The following PLEKHM1 variants were observed in gnomAD, a reference collection of about 807,000 sequenced individuals.
PLEKHM1 encodes the protein pleckstrin homology domain-containing family M member 1.
A neutral mutation model predicts 94.3 loss-of-function variants in PLEKHM1; 28 were observed. The observed-to-expected ratio is 0.30, with a 90% CI of 0.22 to 0.41. PLEKHM1 has a LOEUF of 0.41. Ranked by LOEUF, PLEKHM1 falls within the 10% of genes least tolerant of loss-of-function variation. PLEKHM1 has a pLI of 1.00. For synonymous variants in PLEKHM1, 424 were observed against 581.2 expected, an observed-to-expected ratio of 0.73 and a Z score of 3.89; for missense variants, 907 against 1,358.6, an observed-to-expected ratio of 0.67 and a Z score of 5.22.
chr17:45,488,098 AGAT>A (rs1418066189), intron 1 of PLEKHM1, among the ~76,000 whole-genome samples: 1 of 152,254 alleles, frequency 6.6e-6, no homozygotes, highest in East Asian at 1.9e-4. Context: ...ATTAAATACC[AGAT>A]GAAGGGTGAG....
chr17:45,471,994 C>G (rs1037995714), intron 4 of PLEKHM1, among the ~76,000 whole-genome samples: 2 of 152,090 alleles, frequency 1.3e-5, no homozygotes, highest in East Asian at 3.8e-4. Flanking sequence ...AACAGAACCG[C>G]TTTATATTAA....
chr17:45,434,819 C>T (rs2145137901), downstream of PLEKHM1, among the ~76,000 whole-genome samples: 1 of 151,946 alleles, frequency 6.6e-6, no homozygotes, highest in Middle Eastern at 3.4e-3. Flanking sequence ...AACCACCTGT[C>T]CTCCTTCAGA....
chr17:45,445,685 G>A lies in PLEKHM1; in HGVS notation c.2644-22C>T. The A allele has an allele frequency of 6.2e-7, 1 of 1,609,472 alleles. No individual in the cohort carries two copies. The highest frequency in any genetic ancestry group is 1.7e-5 in the Admixed American group (1 of 60,020). ...AGATCTGGGGGTACCACCAGGCATT[G>A]GGGATGGGAAGGAATGGCTGTTCAG... On this transcript the variant is annotated intron_variant, in intron 8 of 11. Coordinates refer to ENST00000430334, the MANE Select transcript of PLEKHM1 (RefSeq NM_014798.3). The surrounding 1 kb of genome is among the most constrained non-coding windows in gnomAD (Gnocchi z 4.2).
chr17:45,458,188 C>T lies in PLEKHM1; in HGVS notation c.1560G>A (p.Val520=), dbSNP rs764149827. 2 of 1,613,602 alleles carry T rather than the reference C, an allele frequency of 1.2e-6. No individual in the cohort carries two copies. The highest frequency in any genetic ancestry group is 4.5e-5 in the East Asian group (2 of 44,882). Residue 520 remains valine (V), a synonymous_variant, in exon 6 of 12, where the codon GTG becomes GTA. Coordinates refer to ENST00000430334, the MANE Select transcript of PLEKHM1 (RefSeq NM_014798.3). ...ACCTACCCATCTGTCTCCGGTGTAC[C>T]ACCCGGAAGCTCTTATGCCCCTGGG... ...APSQGHKSFR[V]VHRRQMGLSN... is the part of the protein sequence containing the mutation.
chr17:45,460,273 T>C (rs888974717), intron 5 of PLEKHM1: 9 of 152,030 alleles, frequency 5.9e-5, no homozygotes, highest in African/African-American at 2.2e-4. Flanking sequence ...TTTTGTTTTG[T>C]TTTTGAGACA....
At chr17:45,472,741 A>G (rs2090847) in intron 4 of PLEKHM1, among the ~76,000 whole-genome samples, 19,729 of 152,248 alleles carry the variant, frequency 0.13, 1,602 homozygotes, top group Middle Eastern at 0.21. Flanking sequence ...TGACTAACAA[A>G]CAATGTGCCT....
At chr17:45,457,173 A>G (rs926262930) in intron 6 of PLEKHM1, among the ~76,000 whole-genome samples, 2 of 108,436 alleles carry the variant, frequency 1.8e-5, no homozygotes, top group Admixed American at 1.0e-4. Context: ...TCTGCCTCAG[A>G]AAAAAAAAAA....
chr17:45,453,557 G>C lies in PLEKHM1; in HGVS notation c.2295C>G (p.Ala765=). The C allele has an allele frequency of 3.1e-6, 5 of 1,601,560 alleles. No homozygotes were observed. The South Asian group carries it at 5.6e-5, about 18-fold the overall frequency. The stretch of plus-strand genomic sequence containing the variant: ...TGCGGACCAGATCCCTCCACAGGGC[G>C]GCTTCCTCGGCGTTTCCGGCCTGCA... ...LKLQAGNAEE[A]ALWRDLVRKV... Residue 765 remains alanine (A), a synonymous_variant, in exon 7 of 12, where the codon GCC becomes GCG. Transcript: ENST00000430334. The surrounding 1 kb of genome is among the most constrained non-coding windows in gnomAD (Gnocchi z 4.1).
At chr17:45,456,966 G>A (rs966130445) in intron 6 of PLEKHM1, among the ~76,000 whole-genome samples, 6 of 152,066 alleles carry the variant, frequency 3.9e-5, no homozygotes, top group Non-Finnish European at 1.5e-5. Context: ...TGGATCACAT[G>A]AGGCCAAGAG....
intron 8 of PLEKHM1, among the ~76,000 whole-genome samples, chr17:45,449,790 C>T (rs1475133752): frequency 2.6e-5 from 4 of 151,736 alleles, no homozygotes; most frequent in Non-Finnish European, 5.9e-5. Flanking sequence ...ACCTACCTAC[C>T]TACCCATCCA....
In PLEKHM1 at chr17:45,478,055, G is replaced by T; in HGVS notation, c.141C>A (p.Ala47=). Residue 47 remains alanine, a synonymous_variant, in exon 3 of 12, where the codon GCC becomes GCA. Coordinates refer to ENST00000430334, the MANE Select transcript of PLEKHM1 (RefSeq NM_014798.3). ...CCTCCAGGGCGCTGCACATGGTGTT[G>T]GCATCTCCGTCTTCACTAGTGACCA... ...DTVVTSEDGD[A]NTMCSALEAV... 1 of 1,614,186 alleles carries T rather than the reference G, an allele frequency of 6.2e-7. No individual in the cohort carries two copies. The highest frequency in any genetic ancestry group is 8.5e-7 in the Non-Finnish European group (1 of 1,180,042).
chr17:45,455,576 CA>C (rs1489469888), intron 6 of PLEKHM1, among the ~76,000 whole-genome samples: 1 of 152,146 alleles, frequency 6.6e-6, no homozygotes, highest in African/African-American at 2.4e-5. Flanking sequence ...CTCATCTCAC[CA>C]AATAGCAAAA....
intron 1 of PLEKHM1, among the ~76,000 whole-genome samples, 152 bp from the exon 2 acceptor site, chr17:45,482,677 T>A (rs1005854299): frequency 5.9e-5 from 9 of 151,564 alleles, no homozygotes; most frequent in African/African-American, 2.2e-4. Flanking sequence ...TGATAATAGA[T>A]TTGAAGGAAA....
intron 5 of PLEKHM1, among the ~76,000 whole-genome samples, chr17:45,467,175 T>A (rs981624050): frequency 1.3e-5 from 2 of 152,246 alleles, no homozygotes; most frequent in African/African-American, 4.8e-5. Context: ...CTCCAACTCC[T>A]GGGCTCAAGC....
intron 1 of PLEKHM1, 25 bp downstream of exon 1, chr17:45,490,627 C>T: frequency 2.3e-6 from 1 of 437,026 alleles, no homozygotes; most frequent in South Asian, 1.6e-5. Flanking sequence ...CGCCGCCCTC[C>T]TCGCATCTTG....
chr17:45,475,087 G>A lies in PLEKHM1; in HGVS notation c.923+13C>T, dbSNP rs2051669756. 1 of 1,613,890 alleles carries A rather than the reference G, an allele frequency of 6.2e-7. No individual in the cohort carries two copies. Among genetic ancestry groups the A allele is most frequent in the African/African-American group, 1.3e-5 (1 of 75,070 alleles). On this transcript the variant is annotated intron_variant, in intron 4 of 11. Transcript: ENST00000430334. Reference sequence around the variant, plus strand: ...AGAGAGAAGATGGGAAGGAGTGGGGGCAGCGTACTCACTCTTGCAGAGACC... The same window carrying A: ...AGAGAGAAGATGGGAAGGAGTGGGGACAGCGTACTCACTCTTGCAGAGACC...
intron 1 of PLEKHM1, among the ~76,000 whole-genome samples, chr17:45,486,303 C>T (rs2145365316): frequency 6.6e-6 from 1 of 150,666 alleles, no homozygotes; most frequent in Non-Finnish European, 1.5e-5. Context: ...CTGAAGCTGG[C>T]TGGGCGCGGT....
At chr17:45,485,964 C>G (rs1280828997) in intron 1 of PLEKHM1, among the ~76,000 whole-genome samples, 2 of 151,446 alleles carry the variant, frequency 1.3e-5, no homozygotes, top group Non-Finnish European at 2.9e-5. Context: ...CGCCTGTAAT[C>G]CCAGCACTTT....
chr17:45,453,949 A>G lies in PLEKHM1; in HGVS notation c.1903T>C (p.Trp635Arg), dbSNP rs1454453902. The stretch of plus-strand genomic sequence containing the variant: ...TGGTCTGGGTACTGCACGTTCACCC[A>G]CTCATCCTCCTGCTGAGGCCGGACC... ...QKVRPQQEDEWVNVQYPDQPE... is the reference protein window; with the variant it reads ...QKVRPQQEDERVNVQYPDQPE... The change falls in exon 7 of 12, where the codon TGG becomes CGG. Residue 635 changes from tryptophan to arginine, a missense_variant. Trp to Arg is a moderately radical substitution (Grantham distance 101). Around this residue, in one of 3 missense-constraint regions of PLEKHM1, gnomAD observed 477 missense variants for 601.5 expected, o/e 0.79. Coordinates refer to ENST00000430334, the MANE Select transcript of PLEKHM1 (RefSeq NM_014798.3). This position sits in a 1 kb window ranked among gnomAD's most constrained non-coding sequence, Gnocchi z 4.1. 3.1e-6 allele frequency: 5 copies of G among 1,613,620 alleles called. No homozygotes were observed. The highest frequency in any genetic ancestry group is 4.2e-6 in the Non-Finnish European group (5 of 1,179,776).
Sources: gnomAD v4.1 joint callset for allele counts (sites outside exome capture counted in the v4.1 genomes callset) on GRCh38, gnomAD v4.1.1 for gene constraint, gnomAD v4.1.1 regional missense constraint, Gnocchi (gnomAD v3.1) non-coding constraint, MANE v1.5 for transcripts, NCBI Gene and HGNC (gene_info 2026-07-23, HGNC 2026-07-21) for gene names.